CSMD1: variants seen among roughly 807,000 people sequenced by gnomAD.
The protein encoded by CSMD1 is CUB and sushi domain-containing protein 1.
Under a neutral mutation model 417.5 loss-of-function variants are expected in CSMD1, and 213 were observed. The observed-to-expected ratio is 0.51, with a 90% CI of 0.46 to 0.57. CSMD1 has a LOEUF of 0.57. Ranked by LOEUF, CSMD1 falls within the 20% of genes least tolerant of loss-of-function variation. CSMD1 has a pLI of 0.00. For synonymous variants in CSMD1, 2,862 were observed against 1,736.8 expected, an observed-to-expected ratio of 1.65 and a Z score of -16.11; for missense variants, 6,923 against 4,529.7, an observed-to-expected ratio of 1.53 and a Z score of -15.17.
intron 40 of CSMD1, among the ~76,000 whole-genome samples, chr8:3,148,482 G>A (rs768864761): frequency 3.9e-5 from 6 of 152,164 alleles, no homozygotes; most frequent in African/African-American, 1.2e-4. Flanking sequence ...ACATGCGGCC[G>A]AAGTGTGGTT....
At chr8:4,912,618 T>C (rs1805769521) in intron 1 of CSMD1, among the ~76,000 whole-genome samples, 1 of 152,330 alleles carries the variant, frequency 6.6e-6, no homozygotes, top group Non-Finnish European at 1.5e-5. Flanking sequence ...CTCAAGTTTG[T>C]TTGGCTTCCT....
At chr8:3,955,936 G>GGCGCCCAACACC (rs1811914265) in intron 5 of CSMD1, among the ~76,000 whole-genome samples, 1 of 152,146 alleles carries the variant, frequency 6.6e-6, no homozygotes, top group Admixed American at 6.5e-5. Flanking sequence ...TGGGATTACA[G>GGCGCCCAACACC]GCGCCCAACA....
chr8:3,184,371 C>G (rs1170318644), intron 36 of CSMD1, among the ~76,000 whole-genome samples: 1 of 152,166 alleles, frequency 6.6e-6, no homozygotes, highest in Non-Finnish European at 1.5e-5. Context: ...AGAACCTTCC[C>G]TGATTAGGAC....
At chr8:4,842,186 G>T (rs906437333) in intron 1 of CSMD1, among the ~76,000 whole-genome samples, 1 of 152,190 alleles carries the variant, frequency 6.6e-6, no homozygotes, top group Non-Finnish European at 1.5e-5. Flanking sequence ...CACATGAAAA[G>T]AATTGTAGCT....
At chr8:4,221,066 T>G (rs1801002262) in intron 3 of CSMD1, among the ~76,000 whole-genome samples, 1 of 151,988 alleles carries the variant, frequency 6.6e-6, no homozygotes, top group Non-Finnish European at 1.5e-5. Flanking sequence ...AACCCAAACT[T>G]TAGTTTGGGG....
chr8:4,342,503 G>C (rs753061378), intron 3 of CSMD1, among the ~76,000 whole-genome samples: 3 of 152,034 alleles, frequency 2.0e-5, no homozygotes, highest in African/African-American at 7.2e-5. Flanking sequence ...AGCCAGGGTA[G>C]GTTTCATTCC....
At chr8:4,666,977 C>A (rs528768661) in intron 1 of CSMD1, among the ~76,000 whole-genome samples, 1 of 151,782 alleles carries the variant, frequency 6.6e-6, no homozygotes, top group Admixed American at 6.6e-5. Context: ...ATTTTTATTC[C>A]TTTAGTTTAT....
chr8:3,791,179 T>C (rs567691713), intron 5 of CSMD1, among the ~76,000 whole-genome samples: 3 of 152,288 alleles, frequency 2.0e-5, no homozygotes, highest in African/African-American at 7.2e-5. Context: ...TTAGGAGCAT[T>C]TAGATGTGTT....
chr8:4,399,817 A>G (rs1414788139), intron 3 of CSMD1, among the ~76,000 whole-genome samples: 1 of 152,180 alleles, frequency 6.6e-6, no homozygotes, highest in Non-Finnish European at 1.5e-5. Context: ...GAAGCTATTA[A>G]AATAAGTTTT....
intron 3 of CSMD1, among the ~76,000 whole-genome samples, chr8:4,353,803 C>G (rs548657268): frequency 4.9e-4 from 75 of 152,192 alleles, no homozygotes; most frequent in African/African-American, 1.5e-3. Context: ...ATAAATGGCT[C>G]GATCATTAAA....
At chr8:4,244,279 G>A (rs985737288) in intron 3 of CSMD1, among the ~76,000 whole-genome samples, 1 of 152,116 alleles carries the variant, frequency 6.6e-6, no homozygotes, top group African/African-American at 2.4e-5. Context: ...GCAGGCCCCC[G>A]GGTCTTCGGG....
intron 23 of CSMD1, among the ~76,000 whole-genome samples, chr8:3,337,704 T>G (rs1206397935): frequency 6.6e-6 from 1 of 152,106 alleles, no homozygotes; most frequent in Admixed American, 6.6e-5. Flanking sequence ...GATCAAGTGC[T>G]CCCTAGGAGT....
chr8:4,671,818 A>G lies in CSMD1; in HGVS notation c.86-34260T>C, dbSNP rs1462181515. ...GGCTCTCAGCCTGAAGGAGCCAGCGAAAAACTTACGTTTGAGGAGTTTCAT... is the reference window on the plus strand; with the variant it reads ...GGCTCTCAGCCTGAAGGAGCCAGCGGAAAACTTACGTTTGAGGAGTTTCAT... On this transcript the variant is annotated intron_variant, in intron 1 of 69. Coordinates refer to ENST00000635120, the MANE Select transcript of CSMD1 (RefSeq NM_033225.6). Among the ~76,000 whole-genome samples, 3 of 152,202 alleles carry G rather than the reference A, an allele frequency of 2.0e-5. No homozygotes were observed. In the East Asian group the frequency reaches 5.8e-4, roughly 29 times the overall value.
chr8:3,448,329 AAGGG>A lies in CSMD1; in HGVS notation c.1561+20379_1561+20382del, dbSNP rs1585179399. ...GAAGGAAGGAAGGAAGGAAGGGAGC[AAGGG>A]AGGGAGGGAGGGAGGAAGGAAGAAG... On this transcript the variant is annotated intron_variant, in intron 12 of 69. Coordinates refer to ENST00000635120, the MANE Select transcript of CSMD1 (RefSeq NM_033225.6). Among the ~76,000 whole-genome samples, 5 of 880 alleles carry A rather than the reference AAGGG, an allele frequency of 5.7e-3. 2 individuals are homozygous for A. The highest frequency in any genetic ancestry group is 0.011 in the Non-Finnish European group (5 of 470). The allele number at this position is 880 out of a possible 152,430, so 0.6% of individuals were successfully genotyped here. A position where few individuals can be genotyped will look rare whatever the true frequency, so the allele number is the denominator to read the frequency against.
In CSMD1 at chr8:3,907,061, A is replaced by C. The variant is rs1487209994; in HGVS notation, c.818+90842T>G. On this transcript the variant is annotated intron_variant, in intron 5 of 69. Coordinates refer to ENST00000635120, the MANE Select transcript of CSMD1 (RefSeq NM_033225.6). ...TGGGAGAGCTTACTAAAGTTTCCAA[A>C]TGTCGTAGCTAGTAATCACATCCCA... Among the ~76,000 whole-genome samples, 3 of 152,242 alleles carry C rather than the reference A, an allele frequency of 2.0e-5. No individual in the cohort carries two copies. In the East Asian group the frequency reaches 5.8e-4, roughly 29 times the overall value.
At chr8:3,757,695 T>G (rs1333075919) in intron 5 of CSMD1, among the ~76,000 whole-genome samples, 2 of 151,930 alleles carry the variant, frequency 1.3e-5, no homozygotes, top group African/African-American at 4.8e-5. Flanking sequence ...AAACCCTGTC[T>G]CTACTTAGCT....
At chr8:4,082,771 C>T (rs905396655) in intron 3 of CSMD1, among the ~76,000 whole-genome samples, 1 of 119,366 alleles carries the variant, frequency 8.4e-6, no homozygotes, top group Non-Finnish European at 1.7e-5. Flanking sequence ...CCCCTCCCCC[C>T]ACCCCACAAC....
At chr8:4,065,956 G>A (rs762942195) in intron 3 of CSMD1, among the ~76,000 whole-genome samples, 15 of 152,168 alleles carry the variant, frequency 9.9e-5, no homozygotes, top group African/African-American at 2.2e-4. Flanking sequence ...AATCATTGAT[G>A]TTCGTCCAAT....
At chr8:4,313,443 C>A (rs1205825384) in intron 3 of CSMD1, among the ~76,000 whole-genome samples, 2 of 150,098 alleles carry the variant, frequency 1.3e-5, no homozygotes, top group South Asian at 2.1e-4. Flanking sequence ...ACATTTAATT[C>A]TCCTCTGAAA....
Sources: gnomAD v4.1 joint callset for allele counts (sites outside exome capture counted in the v4.1 genomes callset) on GRCh38, gnomAD v4.1.1 for gene constraint, MANE v1.5 for transcripts, NCBI Gene and HGNC (gene_info 2026-07-23, HGNC 2026-07-21) for gene names.